The following DCAF1 variants were observed in gnomAD, a reference collection of about 807,000 sequenced individuals.
DCAF1 encodes the protein DDB1 and CUL4 associated factor 1, also known as DDB1- and CUL4-associated factor 1.
A neutral mutation model predicts 128.0 loss-of-function variants in DCAF1; 15 were observed. The observed-to-expected ratio is 0.12, with a 90% confidence interval of 0.08 to 0.18. The LOEUF (loss-of-function observed/expected upper bound fraction) is 0.18. Ranked by LOEUF, DCAF1 falls within the 10% of genes least tolerant of loss-of-function variation. DCAF1 has a pLI of 1.00. For missense variants in DCAF1, 988 were observed against 1,649.5 expected, an observed-to-expected ratio of 0.60 and a Z score of 6.95; for synonymous variants, 610 against 603.0, an observed-to-expected ratio of 1.01 and a Z score of -0.17.
At chr3:51,439,115 T>TA (rs1178861450) in intron 9 of DCAF1, among the ~76,000 whole-genome samples, 2 of 151,916 alleles carry the variant, frequency 1.3e-5, no homozygotes, top group Admixed American at 6.6e-5. Flanking sequence ...TGTGAAACCT[T>TA]TACTGAGTTG....
intron 3 of DCAF1, 133 bp from the exon 4 acceptor site, chr3:51,471,138 T>C (rs138265504): frequency 1.5e-5 from 7 of 477,978 alleles, no homozygotes; most frequent in Middle Eastern, 3.1e-4. Context: ...CTGATGTACA[T>C]AGAAATCTAC....
At position 51,441,532 on chromosome 3, in the gene DCAF1, A is replaced by C. The variant is rs1701353909; in HGVS notation, c.879T>G (p.Asp293Glu). ...QKLGFSSSDP[D>E]RMFVELSNSS... ...TATTAGACAGCTCAACAAACATGCG[A>C]TCTGGATCAGAAGATGAGAAACCCA... The change falls in exon 8 of 25, where the codon GAT (aspartate) becomes GAG (glutamate). Residue 293 changes from aspartate to glutamate, a missense_variant. Asp to Glu is a conservative substitution (Grantham distance 45). Around this residue, in one of 11 missense-constraint regions of DCAF1, gnomAD observed 210 missense variants for 260.2 expected, o/e 0.81. Transcript: ENST00000684031. The C allele has an allele frequency of 2.5e-6, 4 of 1,614,030 alleles. No homozygotes were observed. In the East Asian group the frequency reaches 8.9e-5, roughly 36 times the overall value.
intron 4 of DCAF1, among the ~76,000 whole-genome samples, chr3:51,467,520 GGAC>G (rs1553646905): frequency 2.0e-5 from 3 of 151,730 alleles, no homozygotes; most frequent in African/African-American, 7.3e-5. Context: ...GAGGGGAGAG[GGAC>G]AGCATTAGGA....
At chr3:51,453,990 T>C (rs1435749269) in intron 6 of DCAF1, among the ~76,000 whole-genome samples, 1 of 151,372 alleles carries the variant, frequency 6.6e-6, no homozygotes, top group Non-Finnish European at 1.5e-5. Flanking sequence ...ACATACGCAA[T>C]TCACACAGCA....
Position 51,463,146 on chromosome 3 carries a change from C to A in DCAF1, c.343G>T (p.Gly115Trp). 1 of 1,596,194 alleles carries A rather than the reference C, an allele frequency of 6.3e-7. No individual in the cohort carries two copies. The highest frequency in any genetic ancestry group is 1.3e-5 in the African/African-American group (1 of 74,230). The stretch of plus-strand genomic sequence containing the variant: ...TGAAAGACGACAGCAGTTTCCAGCC[C>A]TGGCATGATGTCTAATAGGAGTCTG... ...ACRLLLDIMP[G>W]LETAVVFQEK... is the part of the protein sequence containing the mutation. The change falls in exon 6 of 25, where the codon GGG (glycine) becomes TGG (tryptophan). Residue 115 changes from glycine to tryptophan, a missense_variant. Gly to Trp is a radical substitution (Grantham distance 184). Around this residue, in one of 11 missense-constraint regions of DCAF1, gnomAD observed 210 missense variants for 260.2 expected, o/e 0.81. Transcript: ENST00000684031.
In DCAF1 at chr3:51,446,823, T is replaced by C. The variant is rs1701897928; in HGVS notation, c.376-2920A>G. On this transcript the variant is annotated intron_variant, in intron 6 of 24. Transcript: ENST00000684031. ...CTAAAAATACAAAAATTAGCCAGCA[T>C]GGTGGCAGGTGCCTGTAATCCCAGC... is the stretch of plus-strand genomic sequence containing the variant. 4.0e-5 allele frequency among the ~76,000 whole-genome samples: 6 copies of C among 150,934 alleles called. No individual in the cohort carries two copies. In the South Asian group the frequency reaches 1.3e-3, roughly 32 times the overall value.
chr3:51,502,257 G>T (rs1708838130), upstream of DCAF1, among the ~76,000 whole-genome samples: 1 of 152,092 alleles, frequency 6.6e-6, no homozygotes, highest in African/African-American at 2.4e-5. Flanking sequence ...AACCCAACCT[G>T]GTCAGAGCAC....
chr3:51,443,887 T>G lies in DCAF1; in HGVS notation c.392A>C (p.Asn131Thr), dbSNP rs1473202982. 1 of 1,602,960 alleles carries G rather than the reference T, an allele frequency of 6.2e-7. No homozygotes were observed. The part of the protein sequence containing the change: ...VFQEKEGIVE[N>T]LFKWAREADQ... Reference sequence around the variant, plus strand: ...GGCCTCTCGGGCCCATTTGAAAAGATTCTCGACAATTCCCTCCTATAGTAA... The same window carrying G: ...GGCCTCTCGGGCCCATTTGAAAAGAGTCTCGACAATTCCCTCCTATAGTAA... Residue 131 changes from asparagine to threonine, a missense_variant, in exon 7 of 25, where the codon AAT becomes ACT. Coordinates refer to ENST00000684031, the MANE Select transcript of DCAF1 (RefSeq NM_001387579.1).
At chr3:51,473,951 G>C (rs1705105494) in intron 3 of DCAF1, among the ~76,000 whole-genome samples, 1 of 151,676 alleles carries the variant, frequency 6.6e-6, no homozygotes, top group African/African-American at 2.4e-5. Flanking sequence ...TTACAGGCAT[G>C]TGCCACCACG....
chr3:51,452,923 G>T (rs1485390485), intron 6 of DCAF1, among the ~76,000 whole-genome samples: 8 of 151,604 alleles, frequency 5.3e-5, no homozygotes, highest in African/African-American at 1.9e-4. Flanking sequence ...GTTGAGGCAG[G>T]AGAAATCACT....
At chr3:51,459,135 A>G (rs553271688) in intron 6 of DCAF1, among the ~76,000 whole-genome samples, 1 of 152,302 alleles carries the variant, frequency 6.6e-6, no homozygotes, top group African/African-American at 2.4e-5. Flanking sequence ...GGTTTTTTGA[A>G]AAGATCAACA....
At chr3:51,443,638 A>G in intron 7 of DCAF1, 128 bp downstream of exon 7, 1 of 826,522 alleles carries the variant, frequency 1.2e-6, no homozygotes. Context: ...TATGGAAACT[A>G]ATATTGAAAT....
In DCAF1 at chr3:51,443,935, G is replaced by A. The variant is rs77048066; in HGVS notation, c.376-32C>T. On this transcript the variant is annotated intron_variant, in intron 6 of 24. Coordinates refer to ENST00000684031, the MANE Select transcript of DCAF1 (RefSeq NM_001387579.1). ...TAAAGGAAATTAAATAGTACATTTC[G>A]GAAAAAGCCCAAGTTCATGATTAAC... The A allele has an allele frequency of 2.8e-3, 4,366 of 1,535,838 alleles. 15 individuals are homozygous for A. The highest frequency in any genetic ancestry group is 3.5e-3 in the Non-Finnish European group (4,057 of 1,146,590).
intron 2 of DCAF1, 91 bp from the exon 3 acceptor site, chr3:51,483,927 C>A (rs782135655): frequency 3.4e-6 from 3 of 888,956 alleles, no homozygotes; most frequent in African/African-American, 1.7e-5. Context: ...GACGAGAAGG[C>A]AAGAGAAAAA....
At chr3:51,476,059 G>C (rs1376612311) in intron 3 of DCAF1, among the ~76,000 whole-genome samples, 1 of 151,982 alleles carries the variant, frequency 6.6e-6, no homozygotes, top group Admixed American at 6.6e-5. Context: ...TGTTAATTGT[G>C]GGGTTTTTTT....
chr3:51,428,331 C>CTTTTTTTTT (rs35486639), intron 12 of DCAF1, among the ~76,000 whole-genome samples: 1 of 110,510 alleles, frequency 9.0e-6, no homozygotes, highest in Non-Finnish European at 1.7e-5. Flanking sequence ...CCACCATGCC[C>CTTTTTTTTT]TTTTTTTTTT....
At chr3:51,487,394 A>G (rs1195951610) in intron 2 of DCAF1, among the ~76,000 whole-genome samples, 1 of 152,200 alleles carries the variant, frequency 6.6e-6, no homozygotes, top group Non-Finnish European at 1.5e-5. Flanking sequence ...ATAGTGGTAC[A>G]CTGTCAAAAT....
intron 2 of DCAF1, among the ~76,000 whole-genome samples, chr3:51,496,223 G>A (rs1364141110): frequency 2.0e-5 from 3 of 152,002 alleles, no homozygotes; most frequent in African/African-American, 7.2e-5. Context: ...TCAGGAGTTC[G>A]AGACCACCTG....
intron 9 of DCAF1, chr3:51,436,277 T>C (rs1553636656): frequency 4.8e-6 from 2 of 416,518 alleles, no homozygotes; most frequent in East Asian, 1.3e-4. Context: ...AAAATTGAGA[T>C]ACATGTTACT....
Sources: gnomAD v4.1 joint callset for allele counts (sites outside exome capture counted in the v4.1 genomes callset) on GRCh38, gnomAD v4.1.1 for gene constraint, gnomAD v4.1.1 regional missense constraint, MANE v1.5 for transcripts, NCBI Gene and HGNC (gene_info 2026-07-23, HGNC 2026-07-21) for gene names.